NUP210L: variants seen among roughly 807,000 people sequenced by gnomAD.
NUP210L encodes nucleoporin 210 like, also known as nuclear pore membrane glycoprotein 210-like.
A neutral mutation model predicts 208.5 loss-of-function variants in NUP210L; 74 were observed. That is an observed-to-expected ratio of 0.35 (90% CI 0.29 to 0.43). NUP210L has a LOEUF of 0.43. NUP210L is among the 20% of genes least tolerant of loss of function. NUP210L has a pLI of 1.00. For missense variants in NUP210L, 1,843 were observed against 2,289.4 expected (o/e 0.81, Z 3.98); for synonymous variants, 780 against 816.9 (o/e 0.95, Z 0.77).
intron 17 of NUP210L, among the ~76,000 whole-genome samples, chr1:154,069,076 C>T (rs1207034702): frequency 6.6e-6 from 1 of 152,000 alleles, no homozygotes; most frequent in Non-Finnish European, 1.5e-5. Flanking sequence ...AATGTTAGAC[C>T]TAAAACCATA....
intron 22 of NUP210L, among the ~76,000 whole-genome samples, 174 bp downstream of exon 22, chr1:154,057,915 G>C (rs1003307882): frequency 1.3e-5 from 2 of 152,086 alleles, no homozygotes; most frequent in African/African-American, 4.8e-5. Flanking sequence ...GGCTCAAATG[G>C]ATATTTTGTA....
intron 16 of NUP210L, among the ~76,000 whole-genome samples, chr1:154,080,982 A>T (rs142001588): frequency 9.3e-4 from 140 of 151,086 alleles, no homozygotes; most frequent in African/African-American, 3.1e-3. Flanking sequence ...TCCGAAAAAA[A>T]AAAAAAGAAA....
At chr1:154,000,295 C>T (rs1357418415) in intron 37 of NUP210L, among the ~76,000 whole-genome samples, 3 of 152,154 alleles carry the variant, frequency 2.0e-5, no homozygotes, top group Non-Finnish European at 2.9e-5. Flanking sequence ...ACTGTGATAA[C>T]ATCTGTCCCC....
chr1:154,032,988 GA>G (rs750813765), intron 27 of NUP210L, among the ~76,000 whole-genome samples: 7 of 124,544 alleles, frequency 5.6e-5, no homozygotes, highest in Non-Finnish European at 1.2e-4. Context: ...GAAAAGAAAA[GA>G]AAAGAAAGAA....
At chr1:154,031,630 G>A (rs1220117577) in intron 27 of NUP210L, among the ~76,000 whole-genome samples, 6 of 149,296 alleles carry the variant, frequency 4.0e-5, no homozygotes, top group South Asian at 2.1e-4. Flanking sequence ...GAGAACATGC[G>A]AAGTTTGTCT....
chr1:154,081,748 G>A (rs1016445392), intron 16 of NUP210L, among the ~76,000 whole-genome samples: 1 of 152,184 alleles, frequency 6.6e-6, no homozygotes, highest in African/African-American at 2.4e-5. Context: ...TTGGGAGGCC[G>A]AGACAGGAAG....
chr1:154,079,546 C>T (rs1251173732), intron 16 of NUP210L: 1 of 152,162 alleles, frequency 6.6e-6, no homozygotes, highest in Non-Finnish European at 1.5e-5. Flanking sequence ...ATGTTTGTCC[C>T]CATATCTCAA....
chr1:154,060,087 A>T (rs1654057353), intron 20 of NUP210L, among the ~76,000 whole-genome samples: 1 of 152,118 alleles, frequency 6.6e-6, no homozygotes, highest in Non-Finnish European at 1.5e-5. Context: ...AAAAATACAA[A>T]AATTAGCCAG....
At chr1:154,088,043 TA>T (rs1655716076) in intron 16 of NUP210L, among the ~76,000 whole-genome samples, 1 of 152,066 alleles carries the variant, frequency 6.6e-6, no homozygotes, top group South Asian at 2.1e-4. Context: ...TTGAACACTT[TA>T]AAAGGGTGAT....
rs35760411 is a variant in NUP210L at position 154,009,624 on chromosome 1, TAAA to T, written c.4930+345_4930+347del. Among the ~76,000 whole-genome samples the T allele has an allele frequency of 2.5e-4, 14 of 55,448 alleles. 1 individual carries two copies. The East Asian group carries it at 3.1e-3, about 12-fold the overall frequency. 36.4% of individuals were successfully genotyped at this position (55,448 alleles called of 152,430 possible). A position where few individuals can be genotyped will look rare whatever the true frequency, so the allele number is the denominator to read the frequency against. On this transcript the variant is annotated intron_variant, in intron 35 of 39. Transcript: ENST00000368559. Reference sequence around the variant, plus strand: ...CAATATAGGAAGATCACGTTGCTCTTAAAAAAAAAAAAAAAAAAAAAAAAAGGC... The same window carrying T: ...CAATATAGGAAGATCACGTTGCTCTTAAAAAAAAAAAAAAAAAAAAAAGGC...
chr1:154,081,846 A>G (rs1361645355), intron 16 of NUP210L, among the ~76,000 whole-genome samples: 2 of 151,964 alleles, frequency 1.3e-5, no homozygotes, highest in Non-Finnish European at 2.9e-5. Flanking sequence ...AGCTGAGTGT[A>G]ATGGCACAGA....
intron 10 of NUP210L, among the ~76,000 whole-genome samples, chr1:154,125,619 CTGAAAGGAAGGA>C (rs1557994538): frequency 7.3e-5 from 5 of 68,272 alleles, no homozygotes; most frequent in Admixed American, 1.9e-4. Flanking sequence ...GAGGCCCTCT[CTGAAAGGAAGGA>C]AGGAAGGAAG....
Position 154,152,846 on chromosome 1 carries a change from G to GTAAC in NUP210L, c.226_229dup (p.Thr77SerfsTer4), listed in dbSNP as rs763812330. 1.1e-5 allele frequency: 17 copies of GTAAC among 1,613,868 alleles called. No individual in the cohort carries two copies. The African/African-American group carries it at 1.7e-4, about 16-fold the overall frequency. ...GCCATTTTCATATAAAGGCTCAACA[G>GTAAC]TAACTGCATCATGATGGGTGGAATG... is the stretch of plus-strand genomic sequence containing the variant. On this transcript the variant is annotated frameshift_variant, in exon 2 of 40. Transcript: ENST00000368559. LOFTEE classifies it high-confidence loss of function.
intron 37 of NUP210L, among the ~76,000 whole-genome samples, chr1:154,000,579 GTGA>G (rs1650153010): frequency 6.6e-6 from 1 of 152,188 alleles, no homozygotes; most frequent in South Asian, 2.1e-4. Flanking sequence ...CTGCTACTAA[GTGA>G]CTAAAGGGCT....
intron 9 of NUP210L, among the ~76,000 whole-genome samples, chr1:154,126,735 A>G (rs1657999843): frequency 6.6e-6 from 1 of 152,192 alleles, no homozygotes. Flanking sequence ...CATTTTATAA[A>G]TTGACAGTTC....
At chr1:154,065,317 G>A (rs902315755) in intron 17 of NUP210L, among the ~76,000 whole-genome samples, 2 of 151,510 alleles carry the variant, frequency 1.3e-5, no homozygotes, top group Non-Finnish European at 2.9e-5. Context: ...CTACTAGGGC[G>A]GCTGAGGCAG....
chr1:154,080,882 G>A (rs1030314329), intron 16 of NUP210L, among the ~76,000 whole-genome samples: 3 of 150,974 alleles, frequency 2.0e-5, no homozygotes, highest in African/African-American at 4.9e-5. Context: ...GGTGAGACAG[G>A]AGAATTGCTT....
intron 32 of NUP210L, among the ~76,000 whole-genome samples, chr1:154,021,170 G>A (rs1250968594): frequency 6.6e-6 from 1 of 152,064 alleles, no homozygotes; most frequent in Non-Finnish European, 1.5e-5. Flanking sequence ...TCGATCTCTT[G>A]ACCTCGTGAT....
intron 38 of NUP210L, among the ~76,000 whole-genome samples, chr1:153,994,843 C>T (rs1334063538): frequency 6.6e-6 from 1 of 151,550 alleles, no homozygotes; most frequent in East Asian, 2.0e-4. Flanking sequence ...GAAACCCCGT[C>T]TCTACTAAAA....
Sources: gnomAD v4.1 joint callset for allele counts (sites outside exome capture counted in the v4.1 genomes callset) on GRCh38, gnomAD v4.1.1 for gene constraint, MANE v1.5 for transcripts, NCBI Gene and HGNC (gene_info 2026-07-23, HGNC 2026-07-21) for gene names.